RXRA: variants seen among roughly 807,000 people sequenced by gnomAD.
RXRA encodes the protein retinoic acid receptor RXR-alpha.
RXRA carries 5 observed loss-of-function variants against 44.5 expected under a neutral mutation model. The ratio of observed to expected loss-of-function variants is 0.11; its 90% CI spans 0.06 to 0.24. RXRA has a LOEUF of 0.24. Among genes scored for constraint, RXRA ranks in the 10% least tolerant of loss-of-function variants. The pLI is 1.00. For missense variants in RXRA, 412 were observed against 646.5 expected, an observed-to-expected ratio of 0.64 and a Z score of 3.93; for synonymous variants, 291 against 271.4, an observed-to-expected ratio of 1.07 and a Z score of -0.71.
chr9:134,366,082 C>T lies in RXRA; in HGVS notation c.29-35550C>T, dbSNP rs557204517. 6.6e-6 allele frequency among the ~76,000 whole-genome samples: 1 copy of T among 152,138 alleles called. No homozygotes were observed. Among genetic ancestry groups the T allele is most frequent in the East Asian group, 1.9e-4 (1 of 5,186 alleles). The stretch of plus-strand genomic sequence containing the variant: ...GGGGCTTGGCATCTTCAGCATCTCT[C>T]GTGCCTCAGTAACAACCTGGGAGCG... On this transcript the variant is annotated intron_variant, in intron 1 of 9. Coordinates refer to ENST00000481739, the MANE Select transcript of RXRA (RefSeq NM_002957.6). The surrounding 1 kb of genome is among the most constrained non-coding windows in gnomAD (Gnocchi z 5.9).
intron 4 of RXRA, among the ~76,000 whole-genome samples, chr9:134,413,631 T>C (rs11103415): frequency 0.018 from 2,744 of 152,308 alleles, 45 homozygotes; most frequent in Non-Finnish European, 0.027. Flanking sequence ...CCATTGCCAC[T>C]ACCCAAGCCA....
At chr9:134,381,344 T>G (rs139149401) in intron 1 of RXRA, among the ~76,000 whole-genome samples, 3,038 of 152,128 alleles carry the variant, frequency 0.02, 52 homozygotes, top group Admixed American at 0.048. Context: ...AGACCTTAGC[T>G]AGTGCTGACC....
At chr9:134,431,884 G>T in intron 7 of RXRA, 21 bp from the exon 8 acceptor site, 1 of 1,593,790 alleles carries the variant, frequency 6.3e-7, no homozygotes, top group Middle Eastern at 1.7e-4. Context: ...GGGATGGGGT[G>T]TCTGCCCTCC....
chr9:134,360,205 C>T (rs772621881), intron 1 of RXRA, among the ~76,000 whole-genome samples: 11 of 152,200 alleles, frequency 7.2e-5, no homozygotes, highest in Admixed American at 3.9e-4. Context: ...CACCTGTCCT[C>T]AGTAGCCTCG....
chr9:134,417,012 TG>T lies in RXRA; in HGVS notation c.611-142del, dbSNP rs1384724131. On this transcript the variant is annotated intron_variant, in intron 4 of 9. Coordinates refer to ENST00000481739, the MANE Select transcript of RXRA (RefSeq NM_002957.6). This position sits in a 1 kb window ranked among gnomAD's most constrained non-coding sequence, Gnocchi z 6.1. ...ACGGAGGCCAGGCCTGGGGCAGAGA[TG>T]GGGTCTCCATCACCCAGTGCTGGTG... 5.1e-6 allele frequency: 4 copies of T among 778,322 alleles called. No homozygotes were observed. Among genetic ancestry groups the T allele is most frequent in the Non-Finnish European group, 8.1e-6 (4 of 491,970 alleles). The allele number at this position is 778,322 out of a possible 1,614,324, so 48.2% of individuals were successfully genotyped here.
rs34835861 is a variant in RXRA, at chr9:134,416,856, G to A, written c.611-302G>A. Among the ~76,000 whole-genome samples the A allele has an allele frequency of 6.6e-4, 101 of 152,262 alleles. No homozygotes were observed. The East Asian group carries it at 0.016, about 24-fold the overall frequency. On this transcript the variant is annotated intron_variant, in intron 4 of 9. Coordinates refer to ENST00000481739, the MANE Select transcript of RXRA (RefSeq NM_002957.6). ...CTGGTTCTCCCTGAGTCCATAGACC[G>A]TCAGGACCTTTCTCGCCCCATGTTG... is the stretch of plus-strand genomic sequence containing the variant.
chr9:134,370,699 T>C (rs1830480669), intron 1 of RXRA, among the ~76,000 whole-genome samples: 1 of 152,218 alleles, frequency 6.6e-6, no homozygotes, highest in Admixed American at 6.5e-5. Context: ...GGCTGCAGAC[T>C]GGGGCCAGGG....
Position 134,417,048 on chromosome 9 carries a change from G to A in RXRA, c.611-110G>A. ...TCACCCAGTGCTGGTGGGGATGCTG[G>A]TGTTGTGGGTGAGTTGGCTGGGAGC... is the stretch of plus-strand genomic sequence containing the variant. On this transcript the variant is annotated intron_variant, in intron 4 of 9. Coordinates refer to ENST00000481739, the MANE Select transcript of RXRA (RefSeq NM_002957.6). This position sits in a 1 kb window ranked among gnomAD's most constrained non-coding sequence, Gnocchi z 6.1. 2.6e-6 allele frequency: 3 copies of A among 1,139,770 alleles called. No individual in the cohort carries two copies. Among genetic ancestry groups the A allele is most frequent in the Non-Finnish European group, 3.7e-6 (3 of 805,900 alleles). The allele number at this position is 1,139,770 out of a possible 1,614,324, so 70.6% of individuals were successfully genotyped here.
rs577063665 is a variant in RXRA at position 134,423,344 on chromosome 9, C to T, written c.910+1539C>T. The T allele has an allele frequency of 2.8e-5, 28 of 985,454 alleles. No individual in the cohort carries two copies. The South Asian group carries it at 4.2e-4, about 15-fold the overall frequency. 61.0% of individuals were successfully genotyped at this position (985,454 alleles called of 1,614,324 possible). A position where few individuals can be genotyped will look rare whatever the true frequency, so the allele number is the denominator to read the frequency against. ...CGGGTGTCCCAGCTGCCTAGAGGCC[C>T]GCTACCGCACTGTGGGCTCCGCCGC... On this transcript the variant is annotated intron_variant, in intron 6 of 9. Transcript: ENST00000481739.
chr9:134,352,453 C>T (rs533260204), intron 1 of RXRA, among the ~76,000 whole-genome samples: 7 of 152,256 alleles, frequency 4.6e-5, no homozygotes, highest in African/African-American at 1.7e-4. Context: ...AGGTGGGCAG[C>T]ACAGGACCTG....
At chr9:134,359,255 C>A (rs574942381) in intron 1 of RXRA, among the ~76,000 whole-genome samples, 1 of 152,124 alleles carries the variant, frequency 6.6e-6, no homozygotes. Context: ...GGCCACCTGC[C>A]TTTGGGGTCC....
At chr9:134,371,015 T>G (rs569058880) in intron 1 of RXRA, among the ~76,000 whole-genome samples, 1 of 151,532 alleles carries the variant, frequency 6.6e-6, no homozygotes, top group South Asian at 2.1e-4. Context: ...TCAGCCTCAC[T>G]TGAGGGCTGA....
chr9:134,434,261 G>C, intron 9 of RXRA, 54 bp downstream of exon 9: 1 of 1,353,430 alleles, frequency 7.4e-7, no homozygotes, highest in Non-Finnish European at 1.0e-6. Context: ...TGTCTCCAGA[G>C]CCCCCACCCC....
chr9:134,392,088 A>G (rs73663474), intron 1 of RXRA, among the ~76,000 whole-genome samples: 256 of 152,338 alleles, frequency 1.7e-3, no homozygotes, highest in African/African-American at 5.6e-3. Flanking sequence ...TGCAGTGTGC[A>G]GGGCAAGCCC....
At chr9:134,351,401 C>T (rs2119043702) in intron 1 of RXRA, among the ~76,000 whole-genome samples, 1 of 152,330 alleles carries the variant, frequency 6.6e-6, no homozygotes, top group South Asian at 2.1e-4. Context: ...GTGAGGCAGG[C>T]TGGTCTCCAG....
At chr9:134,336,524 T>G (rs11185649) in intron 1 of RXRA, among the ~76,000 whole-genome samples, 1 of 152,096 alleles carries the variant, frequency 6.6e-6, no homozygotes, top group Non-Finnish European at 1.5e-5. Context: ...AGTCCACGGC[T>G]GGAAGTGTGC....
In RXRA at chr9:134,336,801, C is replaced by T. The variant is rs782056394; in HGVS notation, c.28+10142C>T. Among the ~76,000 whole-genome samples the T allele has an allele frequency of 3.3e-5, 5 of 152,208 alleles. No homozygotes were observed. In the East Asian group the frequency reaches 5.8e-4, roughly 18 times the overall value. On this transcript the variant is annotated intron_variant, in intron 1 of 9. Transcript: ENST00000481739. Reference sequence around the variant, plus strand: ...CCGCCCCTCAGGTTCAGAAATGTGACGGGTGAGCCCGTTCCTTGCAAAGTT... The same window carrying T: ...CCGCCCCTCAGGTTCAGAAATGTGATGGGTGAGCCCGTTCCTTGCAAAGTT...
intron 1 of RXRA, among the ~76,000 whole-genome samples, chr9:134,383,294 G>A (rs183896693): frequency 1.3e-5 from 2 of 152,246 alleles, no homozygotes; most frequent in South Asian, 2.1e-4. Context: ...GGGCTGTCTT[G>A]TGTGGCCTGA....
chr9:134,373,374 G>A (rs1830513925), intron 1 of RXRA, among the ~76,000 whole-genome samples: 2 of 152,152 alleles, frequency 1.3e-5, no homozygotes. Flanking sequence ...CTCTGTGCCT[G>A]CTGCTGTGTG....
Sources: gnomAD v4.1 joint callset for allele counts (sites outside exome capture counted in the v4.1 genomes callset) on GRCh38, gnomAD v4.1.1 for gene constraint, Gnocchi (gnomAD v3.1) non-coding constraint, MANE v1.5 for transcripts, NCBI Gene and HGNC (gene_info 2026-07-23, HGNC 2026-07-21) for gene names.